Variants in RIMS2 observed in about 807,000 individuals in gnomAD.
RIMS2 encodes the protein regulating synaptic membrane exocytosis 2.
A neutral mutation model predicts 174.4 loss-of-function variants in RIMS2; 59 were observed. The ratio of observed to expected loss-of-function variants is 0.34; its 90% CI spans 0.27 to 0.42. The LOEUF is 0.42. RIMS2 is among the 10% of genes least tolerant of loss of function. The pLI, the probability that RIMS2 is intolerant of heterozygous loss-of-function variation, is 1.00. For synonymous variants in RIMS2, 606 were observed against 572.5 expected (o/e 1.06, Z -0.84); for missense variants, 1,620 against 1,666.3 (o/e 0.97, Z 0.48).
chr8:104,223,691 C>T (rs73696509), intron 19 of RIMS2: 1 of 1,591,482 alleles, frequency 6.3e-7, no homozygotes, highest in Non-Finnish European at 8.5e-7. Flanking sequence ...CGCTGCGGGG[C>T]GCTCCATGCA....
chr8:103,888,340 A>G lies in RIMS2; in HGVS notation c.1624+2117A>G, dbSNP rs573543940. Among the ~76,000 whole-genome samples the G allele has an allele frequency of 2.6e-5, 4 of 151,662 alleles. No homozygotes were observed. The South Asian group carries it at 8.3e-4, about 31-fold the overall frequency. On this transcript the variant is annotated intron_variant, in intron 4 of 23. Coordinates refer to ENST00000504942, the Ensembl canonical transcript of RIMS2. Reference sequence around the variant, plus strand: ...CTTGCTTATTAAAATATAGTTATCTATAAAGAGCAACTATCGATCTTAATT... The same window carrying G: ...CTTGCTTATTAAAATATAGTTATCTGTAAAGAGCAACTATCGATCTTAATT...
At chr8:104,015,987 G>A (rs528502841) in intron 19 of RIMS2, among the ~76,000 whole-genome samples, 16 of 152,132 alleles carry the variant, frequency 1.1e-4, no homozygotes, top group African/African-American at 3.9e-4. Flanking sequence ...CAGTATATCA[G>A]AGTTAAATAT....
At chr8:103,852,152 C>T (rs940524088) in intron 3 of RIMS2, among the ~76,000 whole-genome samples, 2 of 151,872 alleles carry the variant, frequency 1.3e-5, no homozygotes, top group African/African-American at 4.8e-5. Flanking sequence ...AAGATTGGAT[C>T]CTGTTTTTTC....
intron 6 of RIMS2, among the ~76,000 whole-genome samples, chr8:103,912,558 A>T: frequency 6.6e-6 from 1 of 152,158 alleles, no homozygotes; most frequent in East Asian, 1.9e-4. Context: ...GAAATGTAAT[A>T]TGTATATATA....
chr8:104,181,413 C>T (rs1410775826), intron 19 of RIMS2, among the ~76,000 whole-genome samples: 5 of 151,490 alleles, frequency 3.3e-5, no homozygotes, highest in East Asian at 3.9e-4. Context: ...GACTTTTCAC[C>T]GTTAGGAATA....
intron 17 of RIMS2, among the ~76,000 whole-genome samples, chr8:104,006,903 G>A (rs2095605048): frequency 6.6e-6 from 1 of 151,594 alleles, no homozygotes; most frequent in South Asian, 2.1e-4. Context: ...AATTTTAAAG[G>A]TTTTTTTATA....
chr8:103,962,692 C>T (rs777155415), intron 15 of RIMS2, among the ~76,000 whole-genome samples: 4 of 152,064 alleles, frequency 2.6e-5, no homozygotes, highest in Non-Finnish European at 4.4e-5. Flanking sequence ...AGTGCAATCA[C>T]AGCTCACTGC....
intron 19 of RIMS2, among the ~76,000 whole-genome samples, chr8:104,101,649 T>C (rs2097904964): frequency 6.6e-6 from 1 of 152,158 alleles, no homozygotes; most frequent in South Asian, 2.1e-4. Context: ...TAGTTACCTT[T>C]CTTTCTTTTA....
At chr8:103,610,054 A>C in intron 1 of RIMS2, among the ~76,000 whole-genome samples, 1 of 151,994 alleles carries the variant, frequency 6.6e-6, no homozygotes, top group East Asian at 1.9e-4. Flanking sequence ...CACTTCCTTC[A>C]TTAGCTGTAT....
intron 1 of RIMS2, among the ~76,000 whole-genome samples, chr8:103,630,282 G>T (rs1411414919): frequency 6.7e-6 from 1 of 148,344 alleles, no homozygotes; most frequent in Non-Finnish European, 1.5e-5. Context: ...ATAAAGACTG[G>T]AAGTAAATGG....
chr8:104,204,549 CAG>C (rs1284586801), intron 19 of RIMS2, among the ~76,000 whole-genome samples: 5 of 152,142 alleles, frequency 3.3e-5, no homozygotes, highest in African/African-American at 9.7e-5. Flanking sequence ...AAAAAATTTA[CAG>C]AGAGTGCTCA....
chr8:104,116,855 TG>T (rs1232663967), intron 19 of RIMS2, among the ~76,000 whole-genome samples: 6 of 152,182 alleles, frequency 3.9e-5, no homozygotes, highest in Non-Finnish European at 1.5e-5. Flanking sequence ...TTCTCAGATT[TG>T]TTTTTTAATG....
chr8:103,795,281 T>C (rs192898176), intron 3 of RIMS2, among the ~76,000 whole-genome samples: 132 of 152,204 alleles, frequency 8.7e-4, no homozygotes, highest in African/African-American at 3.0e-3. Context: ...ATGTCCTTTG[T>C]AGGGACATGG....
In RIMS2 at chr8:103,853,328, G is replaced by A. The variant is rs547839578; in HGVS notation, c.699-31970G>A. On this transcript the variant is annotated intron_variant, in intron 3 of 23. Coordinates refer to ENST00000504942, the Ensembl canonical transcript of RIMS2. Reference sequence around the variant, plus strand: ...GTTTGTGAATATTTTCTCCCATTCTGTATGTAGTCTGTTTACTCTGTTAAT... The same window carrying A: ...GTTTGTGAATATTTTCTCCCATTCTATATGTAGTCTGTTTACTCTGTTAAT... Among the ~76,000 whole-genome samples, 24 of 151,924 alleles carry A rather than the reference G, an allele frequency of 1.6e-4. No individual in the cohort carries two copies. In the South Asian group the frequency reaches 4.8e-3, roughly 30 times the overall value.
intron 19 of RIMS2, among the ~76,000 whole-genome samples, chr8:104,052,450 T>C (rs1210454447): frequency 6.6e-6 from 1 of 152,050 alleles, no homozygotes; most frequent in African/African-American, 2.4e-5. Context: ...GCTTCAGAAC[T>C]CAAAGTGAAA....
chr8:103,667,042 T>G (rs2096679656), intron 1 of RIMS2, among the ~76,000 whole-genome samples: 1 of 152,166 alleles, frequency 6.6e-6, no homozygotes, highest in African/African-American at 2.4e-5. Context: ...GTCAGGAGGA[T>G]AATACCAAGA....
At chr8:103,819,868 T>G (rs1431607223) in intron 3 of RIMS2, among the ~76,000 whole-genome samples, 1 of 152,146 alleles carries the variant, frequency 6.6e-6, no homozygotes, top group Non-Finnish European at 1.5e-5. Context: ...AATACAGATA[T>G]CAGGCTGTTT....
intron 1 of RIMS2, among the ~76,000 whole-genome samples, chr8:103,693,887 G>A (rs1223958413): frequency 2.6e-5 from 4 of 152,198 alleles, no homozygotes; most frequent in African/African-American, 7.2e-5. Flanking sequence ...AGTTGGCCTT[G>A]AGCCTGTGTC....
At chr8:104,193,690 T>C (rs2099009471) in intron 19 of RIMS2, among the ~76,000 whole-genome samples, 1 of 152,228 alleles carries the variant, frequency 6.6e-6, no homozygotes, top group Non-Finnish European at 1.5e-5. Context: ...GCATGAGTGA[T>C]AGCAATTAGT....
Sources: gnomAD v4.1 joint callset for allele counts (sites outside exome capture counted in the v4.1 genomes callset) on GRCh38, gnomAD v4.1.1 for gene constraint, MANE v1.5 for transcripts, NCBI Gene and HGNC (gene_info 2026-07-23, HGNC 2026-07-21) for gene names.